PGA5: variants seen among roughly 807,000 people sequenced by gnomAD.
PGA5 encodes pepsin A-5.
A neutral mutation model predicts 15.9 loss-of-function variants in PGA5; 19 were observed. The ratio of observed to expected loss-of-function variants is 1.19; its 90% CI spans 0.83 to 1.75. The LOEUF is 1.75. Ranked by LOEUF, PGA5 falls within the 40% of genes most tolerant of loss-of-function variation. The probability of loss-of-function intolerance (pLI) is 0.00; values close to 1 mark genes in which losing one functional copy is unlikely to be tolerated. For synonymous variants in PGA5, 92 were observed against 95.8 expected (o/e 0.96, Z 0.23); for missense variants, 224 against 246.4 (o/e 0.91, Z 0.61).
intron 5 of PGA5, among the ~76,000 whole-genome samples, chr11:61,246,619 C>G (rs1854068195): frequency 6.6e-6 from 1 of 151,728 alleles, no homozygotes. Context: ...AAAAATTAGC[C>G]AGGTATGATG....
chr11:61,248,155 GT>G (rs1006245598), intron 5 of PGA5: 45 of 781,020 alleles, frequency 5.8e-5, no homozygotes, highest in Non-Finnish European at 9.8e-5. Context: ...TCTTCCAAAC[GT>G]AGTTCCACCA....
chr11:61,249,325 T>A (rs1186172262), intron 6 of PGA5: 1 of 427,046 alleles, frequency 2.3e-6, no homozygotes, highest in African/African-American at 2.0e-5. Context: ...CCTCTCACCC[T>A]GGGCCCTGTT....
At chr11:61,246,579 T>C (rs1027899069) in intron 5 of PGA5, among the ~76,000 whole-genome samples, 2 of 151,742 alleles carry the variant, frequency 1.3e-5, no homozygotes, top group African/African-American at 2.4e-5. Context: ...CTGGCCAACA[T>C]GGCAAAACCC....
intron 5 of PGA5, among the ~76,000 whole-genome samples, chr11:61,246,583 A>G (rs1590590827): frequency 6.6e-6 from 1 of 151,780 alleles, no homozygotes; most frequent in Non-Finnish European, 1.5e-5. Flanking sequence ...CCAACATGGC[A>G]AAACCCTGTC....
chr11:61,246,868 C>G (rs1854072087), intron 5 of PGA5, among the ~76,000 whole-genome samples: 1 of 151,930 alleles, frequency 6.6e-6, no homozygotes, highest in Admixed American at 6.6e-5. Context: ...CAAGATGTAT[C>G]ATGAATGATG....
chr11:61,249,624 G>T, intron 6 of PGA5, 45 bp from the exon 7 acceptor site: 1 of 1,613,602 alleles, frequency 6.2e-7, no homozygotes, highest in South Asian at 1.1e-5. Context: ...TTGGAGAGAT[G>T]AACCCCTGAG....
Position 61,248,399 on chromosome 11 carries a change from T to C in PGA5, c.657-20T>C. 1 of 1,613,794 alleles carries C rather than the reference T, an allele frequency of 6.2e-7. No individual in the cohort carries two copies. The highest frequency in any genetic ancestry group is 8.5e-7 in the Non-Finnish European group (1 of 1,179,874). On this transcript the variant is annotated intron_variant, in intron 5 of 8. Transcript: ENST00000312403. ...TGGACGAACAAAAAAATTCATGTCT[T>C]CTCCCCTCACTTTCCACAGCGATGA...
At position 61,249,695 on chromosome 11, in the gene PGA5, C is replaced by A. The variant is rs772324603; in HGVS notation, c.800C>A (p.Ala267Asp). Residue 267 changes from alanine to aspartate, a missense_variant, in exon 7 of 9, where the codon GCC becomes GAC. Physicochemically the swap from Ala to Asp is moderately radical, Grantham distance 126. Coordinates refer to ENST00000312403, the MANE Select transcript of PGA5 (RefSeq NM_014224.5). The stretch of plus-strand genomic sequence containing the variant: ...ATCACCATGAACGGAGAGACCATCG[C>A]CTGTGCTGAGGGCTGCCAGGCCATT... ...DSITMNGETIACAEGCQAIVD... is the reference protein window; with the variant it reads ...DSITMNGETIDCAEGCQAIVD... 1.2e-6 allele frequency: 2 copies of A among 1,613,588 alleles called. No individual in the cohort carries two copies. Among genetic ancestry groups the A allele is most frequent in the South Asian group, 1.1e-5 (1 of 91,052 alleles).
chr11:61,251,018 C>T, intron 8 of PGA5, 114 bp from the exon 9 acceptor site: 1 of 1,594,718 alleles, frequency 6.3e-7, no homozygotes, highest in Non-Finnish European at 8.6e-7. Context: ...AGCCAGGAAG[C>T]TCCTCCTTGC....
At chr11:61,249,043 G>A (rs2002680) in intron 6 of PGA5, among the ~76,000 whole-genome samples, 11,901 of 152,058 alleles carry the variant, frequency 0.078, 1,517 homozygotes, top group African/African-American at 0.25. Flanking sequence ...GCCTGCTAGC[G>A]TGCTCAGTGG....
In PGA5 at chr11:61,248,327, C is replaced by T. The variant is rs572446169; in HGVS notation, c.657-92C>T. On this transcript the variant is annotated intron_variant, in intron 5 of 8. Coordinates refer to ENST00000312403, the MANE Select transcript of PGA5 (RefSeq NM_014224.5). ...ACCCCAGGACAGCCCTGGAAAGTGC[C>T]CAATCAACGGTCGCTCTGAGGAGGC... The T allele has an allele frequency of 2.0e-5, 32 of 1,613,758 alleles. No homozygotes were observed. In the African/African-American group the frequency reaches 3.9e-4, roughly 20 times the overall value.
At chr11:61,246,270 G>T (rs1205568917) in intron 5 of PGA5, 125 bp downstream of exon 5, 1 of 238,480 alleles carries the variant, frequency 4.2e-6, no homozygotes, top group Non-Finnish European at 8.4e-6. Flanking sequence ...GGATTTGAAA[G>T]TCAATGTCTG....
At chr11:61,248,187 G>C (rs1266189297) in intron 5 of PGA5, 2 of 940,452 alleles carry the variant, frequency 2.1e-6, no homozygotes, top group African/African-American at 1.6e-5. Flanking sequence ...GTGTGACCTT[G>C]GGCAGGTGGC....
chr11:61,247,370 C>T (rs1261893989), intron 5 of PGA5, among the ~76,000 whole-genome samples: 1 of 151,734 alleles, frequency 6.6e-6, no homozygotes, highest in Admixed American at 6.6e-5. Flanking sequence ...GCTCTGCCTC[C>T]TGGGTTCATG....
chr11:61,248,660 G>T, intron 6 of PGA5, 125 bp downstream of exon 6: 4 of 1,554,180 alleles, frequency 2.6e-6, no homozygotes, highest in Non-Finnish European at 3.5e-6. Context: ...ACACACTCCA[G>T]GGGGAAGGTG....
intron 5 of PGA5, among the ~76,000 whole-genome samples, chr11:61,246,421 G>A (rs763497427): frequency 3.5e-4 from 53 of 151,826 alleles, no homozygotes; most frequent in Non-Finnish European, 5.9e-4. Flanking sequence ...GCCCCTTAGT[G>A]CCACTTCCCT....
Position 61,248,479 on chromosome 11 carries a change from A to G in PGA5, c.717A>G (p.Gly239=). The G allele has an allele frequency of 1.2e-6, 2 of 1,613,642 alleles. No individual in the cohort carries two copies. Among genetic ancestry groups the G allele is most frequent in the South Asian group, 2.2e-5 (2 of 91,052 alleles). ...FGGIDSSYYT[G]SLNWVPVTVE... ...GCATTGACTCTTCTTACTACACTGG[A>G]AGTCTGAACTGGGTGCCTGTTACCG... is the stretch of plus-strand genomic sequence containing the variant. The change falls in exon 6 of 9, where the codon GGA becomes GGG. Residue 239 remains glycine, a synonymous_variant. Coordinates refer to ENST00000312403, the MANE Select transcript of PGA5 (RefSeq NM_014224.5).
intron 8 of PGA5, chr11:61,250,732 C>G (rs1854129371): frequency 2.1e-6 from 1 of 470,902 alleles, no homozygotes; most frequent in South Asian, 1.5e-5. Flanking sequence ...AGGTCGCAGC[C>G]CAGTGACTTA....
At chr11:61,248,355 C>G (rs543809989) in intron 5 of PGA5, 64 bp from the exon 6 acceptor site, 2 of 1,613,728 alleles carry the variant, frequency 1.2e-6, no homozygotes, top group Admixed American at 3.3e-5. Context: ...GAGGAGGCAA[C>G]AGCAGATGGT....
Sources: gnomAD v4.1 joint callset for allele counts (sites outside exome capture counted in the v4.1 genomes callset) on GRCh38, gnomAD v4.1.1 for gene constraint, MANE v1.5 for transcripts, NCBI Gene and HGNC (gene_info 2026-07-23, HGNC 2026-07-21) for gene names.